PPP1R13B: variants seen among roughly 807,000 people sequenced by gnomAD.
PPP1R13B encodes apoptosis-stimulating of p53 protein 1.
In PPP1R13B, 44 loss-of-function variants were observed where a neutral mutation model predicts 119.8. The ratio of observed to expected loss-of-function variants is 0.37; its 90% CI spans 0.29 to 0.47. The LOEUF is 0.47. Among genes scored for constraint, PPP1R13B ranks in the 20% least tolerant of loss-of-function variants. The pLI, the probability that PPP1R13B is intolerant of heterozygous loss-of-function variation, is 0.99. For missense variants in PPP1R13B, 1,227 were observed against 1,413.5 expected, an observed-to-expected ratio of 0.87 and a Z score of 2.12; for synonymous variants, 542 against 561.5, an observed-to-expected ratio of 0.97 and a Z score of 0.49.
intron 9 of PPP1R13B, among the ~76,000 whole-genome samples, chr14:103,745,222 A>AT (rs1283518730): frequency 2.6e-5 from 4 of 152,186 alleles, no homozygotes; most frequent in African/African-American, 9.7e-5. Flanking sequence ...TTCGGAGTTC[A>AT]TAACAAGACC....
At chr14:103,764,894 C>T (rs1373229264) in intron 4 of PPP1R13B, among the ~76,000 whole-genome samples, 1 of 152,174 alleles carries the variant, frequency 6.6e-6, no homozygotes, top group Non-Finnish European at 1.5e-5. Context: ...TCTCGGCTCA[C>T]TGCAAGCTCT....
rs1275036414 is a variant in PPP1R13B, at chr14:103,740,951, G to A, written c.1823-358C>T. 6.6e-6 allele frequency among the ~76,000 whole-genome samples: 1 copy of A among 152,174 alleles called. No homozygotes were observed. The highest frequency in any genetic ancestry group is 2.4e-5 in the African/African-American group (1 of 41,446). On this transcript the variant is annotated intron_variant, in intron 11 of 16. Transcript: ENST00000202556. The surrounding 1 kb of genome is among the most constrained non-coding windows in gnomAD (Gnocchi z 4.6). ...ACCACTAAACATGCATCTGATTCTT[G>A]GACTAACTCACATGACGGAGACACA...
rs150600589 is a variant in PPP1R13B at position 103,812,564 on chromosome 14, G to A, written c.10-15046C>T. 4.4e-3 allele frequency among the ~76,000 whole-genome samples: 671 copies of A among 151,772 alleles called. 4 individuals carry two copies. Among genetic ancestry groups the A allele is most frequent in the Middle Eastern group, 0.014 (4 of 294 alleles). ...CTTCCTGAGTAGCGGGGATTGGGGT[G>A]CCTGCCATCAGGCCCAGCCAATTTT... On this transcript the variant is annotated intron_variant, in intron 1 of 16. Transcript: ENST00000202556.
Position 103,766,693 on chromosome 14 carries a change from C to T in PPP1R13B, c.355-8942G>A, listed in dbSNP as rs547645641. 3.3e-5 allele frequency among the ~76,000 whole-genome samples: 5 copies of T among 152,236 alleles called. No individual in the cohort carries two copies. The East Asian group carries it at 5.8e-4, about 18-fold the overall frequency. ...CGCTATCTCAGCTCACTGCAACTTC[C>T]GCCTCCTGGGTTCAAGCGATTCTCC... On this transcript the variant is annotated intron_variant, in intron 4 of 16. Transcript: ENST00000202556.
chr14:103,777,972 A>C (rs2085247431), intron 4 of PPP1R13B, among the ~76,000 whole-genome samples: 2 of 130,390 alleles, frequency 1.5e-5, no homozygotes, highest in South Asian at 4.8e-4. Context: ...TTTTTTTTTG[A>C]GATGGAATTT....
At chr14:103,810,590 A>G (rs2086127809) in intron 1 of PPP1R13B, among the ~76,000 whole-genome samples, 1 of 151,280 alleles carries the variant, frequency 6.6e-6, no homozygotes, top group African/African-American at 2.4e-5. Context: ...TGGCTAACAC[A>G]GTGAAACTCG....
intron 1 of PPP1R13B, among the ~76,000 whole-genome samples, chr14:103,837,441 T>A (rs2086803403): frequency 1.3e-5 from 2 of 152,152 alleles, no homozygotes; most frequent in South Asian, 4.1e-4. Context: ...TTTTCTATCT[T>A]AAAGGAAAGG....
At chr14:103,772,417 A>C (rs2085093591) in intron 4 of PPP1R13B, among the ~76,000 whole-genome samples, 1 of 152,136 alleles carries the variant, frequency 6.6e-6, no homozygotes, top group African/African-American at 2.4e-5. Flanking sequence ...CTACCAAATT[A>C]TTTTCCAGAT....
intron 8 of PPP1R13B, among the ~76,000 whole-genome samples, chr14:103,748,111 AC>A: frequency 7.2e-6 from 1 of 138,532 alleles, no homozygotes; most frequent in East Asian, 2.1e-4. Flanking sequence ...ACACACACAC[AC>A]ACGTGCACGC....
In PPP1R13B at chr14:103,753,049, A is replaced by C; in HGVS notation, c.779T>G (p.Leu260Trp). Reference protein sequence around the residue: ...LNGFQSYNGKLTGPAAVELKR... With the variant: ...LNGFQSYNGKWTGPAAVELKR... ...TAACTCCACCGCCGCTGGTCCCGTC[A>C]ATTTGCCATTGTAAGACTGGAACCC... is the stretch of plus-strand genomic sequence containing the variant. The change falls in exon 7 of 17, where the codon TTG becomes TGG. Residue 260 changes from leucine to tryptophan, a missense_variant. Transcript: ENST00000202556. 7 of 1,614,142 alleles carry C rather than the reference A, an allele frequency of 4.3e-6. No homozygotes were observed. Among genetic ancestry groups the C allele is most frequent in the Non-Finnish European group, 5.9e-6 (7 of 1,180,040 alleles).
chr14:103,782,579 C>T (rs2085361935), intron 3 of PPP1R13B, among the ~76,000 whole-genome samples: 1 of 152,228 alleles, frequency 6.6e-6, no homozygotes, highest in Non-Finnish European at 1.5e-5. Flanking sequence ...TGCCAACCGC[C>T]TCCCACAGCA....
At chr14:103,756,499 C>A (rs548897922) in intron 5 of PPP1R13B, among the ~76,000 whole-genome samples, 2 of 152,154 alleles carry the variant, frequency 1.3e-5, no homozygotes, top group Non-Finnish European at 2.9e-5. Context: ...TAGAAAGATT[C>A]GAGTTTCAAT....
intron 3 of PPP1R13B, among the ~76,000 whole-genome samples, chr14:103,779,912 G>A (rs2085298300): frequency 6.6e-6 from 1 of 152,064 alleles, no homozygotes; most frequent in Non-Finnish European, 1.5e-5. Flanking sequence ...CACTTTGGAA[G>A]GCTGAGGCGG....
At chr14:103,773,817 T>A (rs1373664038) in intron 4 of PPP1R13B, among the ~76,000 whole-genome samples, 3 of 152,204 alleles carry the variant, frequency 2.0e-5, no homozygotes, top group Admixed American at 6.6e-5. Flanking sequence ...CCCAACTCCA[T>A]GCTCCTAGGT....
intron 4 of PPP1R13B, among the ~76,000 whole-genome samples, chr14:103,761,188 C>T (rs1475273851): frequency 2.0e-5 from 3 of 147,950 alleles, no homozygotes; most frequent in South Asian, 2.1e-4. Context: ...GTGGAAGGAA[C>T]GCTTGAGCCT....
intron 1 of PPP1R13B, among the ~76,000 whole-genome samples, chr14:103,806,469 A>G (rs2086020595): frequency 6.6e-6 from 1 of 152,184 alleles, no homozygotes; most frequent in African/African-American, 2.4e-5. Flanking sequence ...TAGCTCATAA[A>G]AGCCACAGAA....
chr14:103,795,416 C>A (rs1472537399), intron 2 of PPP1R13B, among the ~76,000 whole-genome samples: 1 of 152,128 alleles, frequency 6.6e-6, no homozygotes, highest in Admixed American at 6.6e-5. Flanking sequence ...TGTGCTGTGA[C>A]TCTGTGCTCC....
Position 103,740,615 on chromosome 14 carries a change from G to A in PPP1R13B, c.1823-22C>T, listed in dbSNP as rs761699115. Reference sequence around the variant, plus strand: ...TACACTGGGGAAGACACAAAGGACAGGCAATTTTGACCTCACTACAGAGAT... The same window carrying A: ...TACACTGGGGAAGACACAAAGGACAAGCAATTTTGACCTCACTACAGAGAT... On this transcript the variant is annotated intron_variant, in intron 11 of 16. Coordinates refer to ENST00000202556, the MANE Select transcript of PPP1R13B (RefSeq NM_015316.3). The surrounding 1 kb of genome is among the most constrained non-coding windows in gnomAD (Gnocchi z 4.6). The A allele has an allele frequency of 6.7e-7, 1 of 1,488,902 alleles. No homozygotes were observed. Among genetic ancestry groups the A allele is most frequent in the South Asian group, 1.4e-5 (1 of 72,268 alleles). 92.2% of individuals were successfully genotyped at this position (1,488,902 alleles called of 1,614,324 possible).
At chr14:103,815,369 T>C (rs2086253536) in intron 1 of PPP1R13B, among the ~76,000 whole-genome samples, 1 of 152,148 alleles carries the variant, frequency 6.6e-6, no homozygotes, top group South Asian at 2.1e-4. Context: ...GGTTGCACAA[T>C]TTGTGAATAT....
Sources: allele counts gnomAD v4.1 joint callset (sites outside exome capture counted in the v4.1 genomes callset), GRCh38; gene constraint gnomAD v4.1.1; non-coding constraint Gnocchi (gnomAD v3.1); transcripts MANE v1.5; gene names NCBI Gene and HGNC (gene_info 2026-07-23, HGNC 2026-07-21).